PCSK5: variants seen among roughly 807,000 people sequenced by gnomAD.
PCSK5 encodes proprotein convertase subtilisin/kexin type 5, also known as prohormone convertase 5.
PCSK5 carries 129 observed loss-of-function variants against 233.2 expected under a neutral mutation model. That is an observed-to-expected ratio of 0.55 (90% confidence interval 0.48 to 0.64). The LOEUF is 0.64. Ranked by LOEUF, PCSK5 falls within the 30% of genes least tolerant of loss-of-function variation. PCSK5 has a pLI of 0.00. For missense variants in PCSK5, 2,076 were observed against 2,430.1 expected, an observed-to-expected ratio of 0.85 and a Z score of 3.06; for synonymous variants, 825 against 879.2, an observed-to-expected ratio of 0.94 and a Z score of 1.09.
chr9:76,269,030 T>C (rs1827425287), intron 24 of PCSK5, among the ~76,000 whole-genome samples: 1 of 152,154 alleles, frequency 6.6e-6, no homozygotes, highest in Non-Finnish European at 1.5e-5. Context: ...TATCTACAAG[T>C]GCCAGGCAGG....
At chr9:76,294,113 C>A (rs145257095) in intron 25 of PCSK5, among the ~76,000 whole-genome samples, 45 of 151,106 alleles carry the variant, frequency 3.0e-4, no homozygotes, top group African/African-American at 1.1e-3. Flanking sequence ...AAGAGAATCA[C>A]TTGAACCCAG....
At chr9:76,033,598 T>C (rs1238161353) in intron 5 of PCSK5, among the ~76,000 whole-genome samples, 1 of 152,046 alleles carries the variant, frequency 6.6e-6, no homozygotes, top group Non-Finnish European at 1.5e-5. Flanking sequence ...AAAAAAAATC[T>C]GACACTTTCC....
Position 75,912,261 on chromosome 9 carries a change from G to A in PCSK5, c.193-20118G>A, listed in dbSNP as rs372384256. On this transcript the variant is annotated intron_variant, in intron 1 of 37. Coordinates refer to ENST00000674117, the MANE Select transcript of PCSK5 (RefSeq NM_001372043.1). ...CCTTAAAGATGCCTGGAGGAAGCAC[G>A]TTCTGGTTGAGGGAACAGCCAGTGC... is the stretch of plus-strand genomic sequence containing the variant. Among the ~76,000 whole-genome samples, 27 of 152,274 alleles carry A rather than the reference G, an allele frequency of 1.8e-4. 1 individual carries two copies. In the South Asian group the frequency reaches 4.6e-3, roughly 26 times the overall value.
intron 24 of PCSK5, among the ~76,000 whole-genome samples, chr9:76,288,931 C>T (rs558628570): frequency 2.5e-4 from 38 of 152,244 alleles, no homozygotes; most frequent in African/African-American, 8.2e-4. Context: ...TGAAGGTGAT[C>T]GTTATTACTG....
intron 1 of PCSK5, among the ~76,000 whole-genome samples, chr9:75,918,594 A>AT (rs1325953111): frequency 2.6e-5 from 4 of 151,902 alleles, no homozygotes; most frequent in South Asian, 2.1e-4. Context: ...ATTACCAGCC[A>AT]TTTTTTTTCA....
intron 20 of PCSK5, among the ~76,000 whole-genome samples, chr9:76,221,585 T>C (rs1393147004): frequency 6.6e-6 from 1 of 152,240 alleles, no homozygotes; most frequent in Non-Finnish European, 1.5e-5. Context: ...GAATAGGAGC[T>C]TGTATGATTG....
chr9:75,961,589 T>C (rs1825357156), intron 2 of PCSK5, among the ~76,000 whole-genome samples: 1 of 152,234 alleles, frequency 6.6e-6, no homozygotes, highest in Admixed American at 6.5e-5. Flanking sequence ...TGTTTAAGTA[T>C]GTTTGATATG....
chr9:76,057,832 C>CTTTTTT (rs36017305), intron 5 of PCSK5, among the ~76,000 whole-genome samples: 9 of 67,070 alleles, frequency 1.3e-4, no homozygotes, highest in African/African-American at 1.9e-4. Flanking sequence ...TATTCAGGGG[C>CTTTTTT]TTTTTTTTTT....
At chr9:75,945,528 G>C (rs1179866914) in intron 2 of PCSK5, among the ~76,000 whole-genome samples, 1 of 152,138 alleles carries the variant, frequency 6.6e-6, no homozygotes, top group African/African-American at 2.4e-5. Context: ...CTGTTTCACA[G>C]CAATTGCCTC....
At chr9:76,271,174 C>A (rs117064201) in intron 24 of PCSK5, among the ~76,000 whole-genome samples, 1,907 of 152,148 alleles carry the variant, frequency 0.013, 20 homozygotes, top group Non-Finnish European at 0.02. Flanking sequence ...ACCTCTCCCA[C>A]AATTCAGAAT....
At chr9:76,145,472 C>A (rs1223565707) in intron 10 of PCSK5, among the ~76,000 whole-genome samples, 1 of 152,116 alleles carries the variant, frequency 6.6e-6, no homozygotes, top group East Asian at 1.9e-4. Flanking sequence ...AAAATACCAC[C>A]TCCCCCCCAG....
chr9:76,192,295 A>C (rs2131250292), intron 20 of PCSK5, among the ~76,000 whole-genome samples: 1 of 152,312 alleles, frequency 6.6e-6, no homozygotes, highest in South Asian at 2.1e-4. Context: ...TCATATCTGC[A>C]GTGAGCCCAT....
chr9:75,997,550 G>A (rs893207697), intron 3 of PCSK5, among the ~76,000 whole-genome samples: 7 of 152,166 alleles, frequency 4.6e-5, no homozygotes, highest in African/African-American at 9.7e-5. Context: ...GATTCAAGCC[G>A]AAAGAGCTGC....
At chr9:76,255,489 A>G (rs1185231623) in intron 24 of PCSK5, among the ~76,000 whole-genome samples, 1 of 152,156 alleles carries the variant, frequency 6.6e-6, no homozygotes, top group Non-Finnish European at 1.5e-5. Flanking sequence ...TTTTACAAAC[A>G]TGACCTCTAA....
intron 5 of PCSK5, among the ~76,000 whole-genome samples, chr9:76,040,245 A>C (rs1192802019): frequency 6.6e-6 from 1 of 152,066 alleles, no homozygotes; most frequent in East Asian, 1.9e-4. Context: ...AGGCCATGTG[A>C]TCCAGATTGT....
chr9:75,957,375 A>G (rs1021499892), intron 2 of PCSK5, among the ~76,000 whole-genome samples: 1 of 152,194 alleles, frequency 6.6e-6, no homozygotes, highest in African/African-American at 2.4e-5. Flanking sequence ...CTTGGAGATC[A>G]CAGAATGGAA....
intron 32 of PCSK5, among the ~76,000 whole-genome samples, chr9:76,326,297 G>C (rs12376628): frequency 0.18 from 26,702 of 151,970 alleles, 2,450 homozygotes; most frequent in Non-Finnish European, 0.2. Context: ...GAGATGGGGG[G>C]ATCACTTTAG....
At chr9:76,335,334 A>T (rs972448847) in intron 34 of PCSK5, among the ~76,000 whole-genome samples, 5 of 152,194 alleles carry the variant, frequency 3.3e-5, no homozygotes, top group Non-Finnish European at 5.9e-5. Flanking sequence ...GTTGCCATAG[A>T]TCTCTTTAAT....
chr9:76,021,861 G>A (rs1828206622), intron 3 of PCSK5, among the ~76,000 whole-genome samples: 1 of 152,158 alleles, frequency 6.6e-6, no homozygotes, highest in Admixed American at 6.5e-5. Flanking sequence ...ATTTGACCAT[G>A]CCTCCGCTTC....
Sources: allele counts gnomAD v4.1 joint callset (sites outside exome capture counted in the v4.1 genomes callset), GRCh38; gene constraint gnomAD v4.1.1; transcripts MANE v1.5; gene names NCBI Gene and HGNC (gene_info 2026-07-23, HGNC 2026-07-21).